RPRD2: variants seen among roughly 807,000 people sequenced by gnomAD.
RPRD2 encodes the protein regulation of nuclear pre-mRNA domain containing 2.
A neutral mutation model predicts 104.4 loss-of-function variants in RPRD2; 12 were observed. The observed-to-expected ratio is 0.11, with a 90% CI of 0.07 to 0.19. The LOEUF is 0.19. Ranked by LOEUF, RPRD2 falls within the 10% of genes least tolerant of loss-of-function variation. The pLI, the probability that RPRD2 is intolerant of heterozygous loss-of-function variation, is 1.00. For missense variants in RPRD2, 1,543 were observed against 1,790.1 expected (o/e 0.86, Z 2.49); for synonymous variants, 714 against 684.9 (o/e 1.04, Z -0.66).
chr1:150,397,671 G>A (rs1445537357), intron 1 of RPRD2, among the ~76,000 whole-genome samples: 1 of 152,108 alleles, frequency 6.6e-6, no homozygotes, highest in Non-Finnish European at 1.5e-5. Flanking sequence ...CCATTTTAAG[G>A]ATGTTTCACA....
At chr1:150,402,263 T>C (rs1459517269) in intron 1 of RPRD2, among the ~76,000 whole-genome samples, 7 of 152,180 alleles carry the variant, frequency 4.6e-5, no homozygotes, top group Non-Finnish European at 7.3e-5. Context: ...AATGGAAACA[T>C]TGGCAATTGT....
chr1:150,411,800 A>C (rs1445640520), intron 1 of RPRD2, among the ~76,000 whole-genome samples: 53 of 69,910 alleles, frequency 7.6e-4, no homozygotes, highest in South Asian at 1.0e-3. Context: ...AAAAAAAAAA[A>C]AAAAAAAAAA....
intron 2 of RPRD2, among the ~76,000 whole-genome samples, chr1:150,425,486 A>G (rs1027713945): frequency 1.3e-5 from 2 of 151,910 alleles, no homozygotes; most frequent in African/African-American, 4.8e-5. Flanking sequence ...TCTACTAAAA[A>G]TACAAAATTA....
chr1:150,408,303 T>C (rs1631973), intron 1 of RPRD2, among the ~76,000 whole-genome samples: 44,767 of 150,696 alleles, frequency 0.3, 8,077 homozygotes, highest in Non-Finnish European at 0.4. Context: ...TATCTGGGAT[T>C]GCAGGTACCC....
intron 1 of RPRD2, among the ~76,000 whole-genome samples, chr1:150,368,967 A>G (rs1403731051): frequency 6.6e-6 from 1 of 152,096 alleles, no homozygotes; most frequent in Non-Finnish European, 1.5e-5. Flanking sequence ...TCAGTATATG[A>G]TATTACCTTG....
At chr1:150,375,654 ATTCT>A (rs1406413091) in intron 1 of RPRD2, among the ~76,000 whole-genome samples, 6 of 152,154 alleles carry the variant, frequency 3.9e-5, no homozygotes, top group African/African-American at 7.2e-5. Context: ...TTGCATCAAA[ATTCT>A]TTCTTCCTCC....
At position 150,470,678 on chromosome 1, in the gene RPRD2, A is replaced by G. The variant is rs1560229649; in HGVS notation, c.1730A>G (p.Asn577Ser). 1 of 1,614,066 alleles carries G rather than the reference A, an allele frequency of 6.2e-7. No individual in the cohort carries two copies. ...NTTVSTIKGR[N>S]LPSSAQPFIP... ...ACAGTCTCTACCATAAAGGGAAGAA[A>G]TCTGCCCTCCAGTGCCCAACCTTTT... is the stretch of plus-strand genomic sequence containing the variant. Residue 577 changes from asparagine to serine, a missense_variant, in exon 11 of 11, where the codon AAT (asparagine) becomes AGT (serine). Asn to Ser is a conservative substitution (Grantham distance 46, BLOSUM62 1). Transcript: ENST00000369068.
intron 2 of RPRD2, among the ~76,000 whole-genome samples, chr1:150,428,741 A>G (rs1572454490): frequency 6.6e-6 from 1 of 152,190 alleles, no homozygotes. Flanking sequence ...GTAATGAGGT[A>G]TTGATAAAGG....
chr1:150,399,388 A>G (rs1450502292), intron 1 of RPRD2, among the ~76,000 whole-genome samples: 4 of 152,194 alleles, frequency 2.6e-5, no homozygotes, highest in East Asian at 3.9e-4. Flanking sequence ...TGGGTATCCA[A>G]TTGTTCGAGC....
intron 6 of RPRD2, among the ~76,000 whole-genome samples, chr1:150,445,716 C>T (rs1057055240): frequency 4.6e-5 from 7 of 152,116 alleles, no homozygotes; most frequent in Admixed American, 1.3e-4. Context: ...TGAGTCTGTT[C>T]TGTAAAGAAT....
At chr1:150,434,503 G>A (rs1553892704) in intron 2 of RPRD2, among the ~76,000 whole-genome samples, 1 of 152,104 alleles carries the variant, frequency 6.6e-6, no homozygotes, top group Non-Finnish European at 1.5e-5. Flanking sequence ...TACTAATGGA[G>A]TATTGTGTAG....
At chr1:150,464,807 G>A (rs73019028) in intron 10 of RPRD2, 80 bp downstream of exon 10, 1 of 990,068 alleles carries the variant, frequency 1.0e-6, no homozygotes, top group South Asian at 1.4e-5. Flanking sequence ...CATTTCTGAT[G>A]AATCCAGAGC....
chr1:150,385,860 T>C (rs1011878478), intron 1 of RPRD2, among the ~76,000 whole-genome samples: 3 of 152,210 alleles, frequency 2.0e-5, no homozygotes, highest in Non-Finnish European at 4.4e-5. Flanking sequence ...CAAGGAGAAA[T>C]CCTTTGTTAT....
chr1:150,469,936 A>G (rs1668496164), intron 10 of RPRD2, among the ~76,000 whole-genome samples: 1 of 152,174 alleles, frequency 6.6e-6, no homozygotes, highest in African/African-American at 2.4e-5. Flanking sequence ...TTTACAACCA[A>G]AACGGATGGT....
intron 2 of RPRD2, among the ~76,000 whole-genome samples, chr1:150,424,270 T>C (rs1408527686): frequency 6.6e-6 from 1 of 151,918 alleles, no homozygotes; most frequent in Non-Finnish European, 1.5e-5. Context: ...ATAAGCAGAT[T>C]GGATTTTATT....
At chr1:150,469,846 G>A (rs988969377) in intron 10 of RPRD2, among the ~76,000 whole-genome samples, 22 of 152,064 alleles carry the variant, frequency 1.4e-4, no homozygotes, top group African/African-American at 4.3e-4. Flanking sequence ...TGGGGATTGT[G>A]TGTTTTCTTG....
At chr1:150,441,394 C>G (rs1159558142) in intron 3 of RPRD2, 7 of 212,952 alleles carry the variant, frequency 3.3e-5, no homozygotes, top group Non-Finnish European at 6.5e-5. Flanking sequence ...TCAGTTCTTA[C>G]TAAGCTGTTT....
chr1:150,376,349 A>G lies in RPRD2; in HGVS notation c.205+11430A>G, dbSNP rs587724681. Reference sequence around the variant, plus strand: ...AGAGAGTGATTCTTTATTACCCTTTAGTAAAAGTTGCACTGTGAAAGGAAA... The same window carrying G: ...AGAGAGTGATTCTTTATTACCCTTTGGTAAAAGTTGCACTGTGAAAGGAAA... On this transcript the variant is annotated intron_variant, in intron 1 of 10. Coordinates refer to ENST00000369068, the MANE Select transcript of RPRD2 (RefSeq NM_015203.5). Among the ~76,000 whole-genome samples the G allele has an allele frequency of 1.5e-4, 23 of 152,252 alleles. No individual in the cohort carries two copies. The East Asian group carries it at 4.2e-3, about 28-fold the overall frequency.
intron 2 of RPRD2, among the ~76,000 whole-genome samples, chr1:150,437,350 G>T (rs782326757): frequency 1.3e-5 from 2 of 152,088 alleles, no homozygotes; most frequent in Non-Finnish European, 2.9e-5. Context: ...ACAAATATTA[G>T]CTGGGTGTGG....
Sources: allele counts gnomAD v4.1 joint callset (sites outside exome capture counted in the v4.1 genomes callset), GRCh38; gene constraint gnomAD v4.1.1; transcripts MANE v1.5; gene names NCBI Gene and HGNC (gene_info 2026-07-23, HGNC 2026-07-21).